Variants in RFX3 observed in about 807,000 individuals in gnomAD.
RFX3 encodes regulatory factor X3, also known as transcription factor RFX3.
A neutral mutation model predicts 98.6 loss-of-function variants in RFX3; 14 were observed. The ratio of observed to expected loss-of-function variants is 0.14; its 90% CI spans 0.09 to 0.22. RFX3 has a LOEUF of 0.22. Among genes scored for constraint, RFX3 ranks in the 10% least tolerant of loss-of-function variants. RFX3 has a pLI of 1.00. For missense variants in RFX3, 639 were observed against 926.9 expected (o/e 0.69, Z 4.03); for synonymous variants, 383 against 328.4 (o/e 1.17, Z -1.80).
intron 14 of RFX3, among the ~76,000 whole-genome samples, chr9:3,249,064 T>C (rs981347504): frequency 6.6e-6 from 1 of 152,016 alleles, no homozygotes; most frequent in Non-Finnish European, 1.5e-5. Context: ...GTGTGTTTCT[T>C]ATCACTTTCA....
At chr9:3,469,597 T>C (rs1345335326) in intron 1 of RFX3, among the ~76,000 whole-genome samples, 1 of 152,138 alleles carries the variant, frequency 6.6e-6, no homozygotes, top group African/African-American at 2.4e-5. Flanking sequence ...TTATTTTCTT[T>C]GGAACAGCTC....
intron 5 of RFX3, among the ~76,000 whole-genome samples, chr9:3,299,632 T>C (rs1828409643): frequency 6.7e-6 from 1 of 149,816 alleles, no homozygotes; most frequent in Non-Finnish European, 1.5e-5. Context: ...AGATCAGACA[T>C]ATTATGTAAT....
chr9:3,344,258 G>T (rs970441798), intron 3 of RFX3, among the ~76,000 whole-genome samples: 2 of 152,156 alleles, frequency 1.3e-5, no homozygotes, highest in Non-Finnish European at 2.9e-5. Flanking sequence ...ATAAACTGAG[G>T]TTACAGTTTG....
At chr9:3,252,022 A>T (rs571157375) in intron 14 of RFX3, among the ~76,000 whole-genome samples, 13 of 152,104 alleles carry the variant, frequency 8.5e-5, no homozygotes, top group Non-Finnish European at 1.6e-4. Context: ...CTAATTTTGT[A>T]TTTTTAGTAG....
chr9:3,381,024 A>T (rs1465740515), intron 2 of RFX3, among the ~76,000 whole-genome samples: 1 of 152,076 alleles, frequency 6.6e-6, no homozygotes, highest in East Asian at 1.9e-4. Flanking sequence ...GATATTTTTA[A>T]TACCTAATTA....
At chr9:3,394,618 T>C (rs1488317926) in intron 2 of RFX3, among the ~76,000 whole-genome samples, 3 of 152,210 alleles carry the variant, frequency 2.0e-5, no homozygotes, top group African/African-American at 7.2e-5. Flanking sequence ...TATAAAAATG[T>C]CCTTCATCAT....
At chr9:3,369,773 T>TG (rs1837593325) in intron 2 of RFX3, among the ~76,000 whole-genome samples, 1 of 152,150 alleles carries the variant, frequency 6.6e-6, no homozygotes. Context: ...ATGACTAATT[T>TG]GGGGCTCAAT....
At chr9:3,493,827 A>T (rs978878485) in intron 1 of RFX3, among the ~76,000 whole-genome samples, 1 of 151,096 alleles carries the variant, frequency 6.6e-6, no homozygotes, top group Non-Finnish European at 1.5e-5. Context: ...ACAATTTCCC[A>T]ACAAGCTCTT....
chr9:3,483,651 A>G (rs1850003539), intron 1 of RFX3, among the ~76,000 whole-genome samples: 1 of 152,204 alleles, frequency 6.6e-6, no homozygotes, highest in South Asian at 2.1e-4. Flanking sequence ...AATCCAGATT[A>G]TAGATATCCA....
rs1270392126 is a variant in RFX3 at position 3,375,833 on chromosome 9, G to C, written c.117+19639C>G. 4.1e-4 allele frequency among the ~76,000 whole-genome samples: 62 copies of C among 152,046 alleles called. 1 individual carries two copies. The highest frequency in any genetic ancestry group is 2.1e-4 in the Non-Finnish European group (14 of 68,004). On this transcript the variant is annotated intron_variant, in intron 2 of 16. Coordinates refer to ENST00000617270, the MANE Select transcript of RFX3 (RefSeq NM_001282116.2). ...AAATTAGCTAGGCATGGTGGCACAC[G>C]CCTGTAGTCCCAGTTACTCAGGAGG...
At chr9:3,468,591 C>T (rs1390230097) in intron 1 of RFX3, among the ~76,000 whole-genome samples, 7 of 152,022 alleles carry the variant, frequency 4.6e-5, no homozygotes, top group Non-Finnish European at 8.8e-5. Context: ...GGCAGCTTAG[C>T]ACTAAATCAA....
At chr9:3,323,281 A>T (rs770547327) in intron 4 of RFX3, among the ~76,000 whole-genome samples, 3 of 152,182 alleles carry the variant, frequency 2.0e-5, no homozygotes, top group Non-Finnish European at 4.4e-5. Context: ...TTCCCCTTTA[A>T]ATTAAACACA....
At chr9:3,313,135 T>C (rs1830161292) in intron 4 of RFX3, among the ~76,000 whole-genome samples, 2 of 152,070 alleles carry the variant, frequency 1.3e-5, no homozygotes. Flanking sequence ...GACTGACACC[T>C]CATACAGCCA....
chr9:3,447,793 A>G (rs1271608784), intron 1 of RFX3, among the ~76,000 whole-genome samples: 1 of 152,106 alleles, frequency 6.6e-6, no homozygotes, highest in East Asian at 1.9e-4. Flanking sequence ...TTAGATAAAC[A>G]CACTTCCCTA....
intron 1 of RFX3, among the ~76,000 whole-genome samples, chr9:3,479,051 G>C (rs1348698668): frequency 6.6e-6 from 1 of 152,112 alleles, no homozygotes; most frequent in Non-Finnish European, 1.5e-5. Context: ...CTCCAGAAGT[G>C]GTCAGCTCTC....
intron 16 of RFX3, 147 bp downstream of exon 16, chr9:3,228,700 A>C (rs643429): frequency 0.71 from 400,314 of 565,192 alleles, 150,740 homozygotes; most frequent in Non-Finnish European, 0.79. Context: ...TGGAGAAATA[A>C]TGAAAAGACA....
chr9:3,498,362 T>A (rs935947041), intron 1 of RFX3, among the ~76,000 whole-genome samples: 1 of 152,070 alleles, frequency 6.6e-6, no homozygotes, highest in Non-Finnish European at 1.5e-5. Context: ...TTTTCTTAGA[T>A]AAATTTTAAG....
intron 15 of RFX3, chr9:3,247,139 G>T: frequency 1.0e-6 from 1 of 985,182 alleles, no homozygotes; most frequent in Non-Finnish European, 1.2e-6. Flanking sequence ...TAATAATCTG[G>T]TATGATTCGA....
chr9:3,400,227 TG>T, intron 1 of RFX3: 1 of 982,704 alleles, frequency 1.0e-6, no homozygotes, highest in Non-Finnish European at 1.2e-6. Flanking sequence ...GGCAAACTGA[TG>T]AATTTTTAGA....
Sources: allele counts gnomAD v4.1 joint callset (sites outside exome capture counted in the v4.1 genomes callset), GRCh38; gene constraint gnomAD v4.1.1; transcripts MANE v1.5; gene names NCBI Gene and HGNC (gene_info 2026-07-23, HGNC 2026-07-21).